The following MBNL3 variants were observed in gnomAD, a reference collection of about 807,000 sequenced individuals.
The protein encoded by MBNL3 is muscleblind like splicing regulator 3.
Under a neutral mutation model 24.5 loss-of-function variants are expected in MBNL3, and 6 were observed. The observed-to-expected ratio is 0.25, with a 90% CI of 0.13 to 0.48. The LOEUF is 0.48. Among genes scored for constraint, MBNL3 ranks in the 20% least tolerant of loss-of-function variants. The pLI, the probability that MBNL3 is intolerant of heterozygous loss-of-function variation, is 0.99. For synonymous variants in MBNL3, 100 were observed against 101.7 expected, an observed-to-expected ratio of 0.98 and a Z score of 0.10; for missense variants, 230 against 293.5, an observed-to-expected ratio of 0.78 and a Z score of 1.58.
chrX:132,369,597 G>A lies in MBNL3; in HGVS notation c.*10069C>T, dbSNP rs566436786. 1 of 111,938 alleles carries A rather than the reference G, an allele frequency of 8.9e-6. No individual in the cohort carries two copies. The highest frequency in any genetic ancestry group is 2.8e-4 in the East Asian group (1 of 3,553). 9.2% of individuals were successfully genotyped at this position (111,938 alleles called of 1,213,427 possible). On this transcript the variant is annotated 3_prime_UTR_variant, in exon 9 of 9. Transcript: ENST00000370853. ...GTAGCCATAAGGTCTCTGCAAGCAT[G>A]CTGACTGCAGGCTCCTCAGATTCTT...
chrX:132,423,494 A>C (rs1211420788), intron 2 of MBNL3, among the ~76,000 whole-genome samples: 6 of 111,493 alleles, frequency 5.4e-5, no homozygotes, highest in Non-Finnish European at 1.1e-4. Context: ...AATACTTTCC[A>C]GATCGATTAG....
At chrX:132,462,755 G>A (rs1946691132) in intron 1 of MBNL3, among the ~76,000 whole-genome samples, 1 of 111,066 alleles carries the variant, frequency 9.0e-6, no homozygotes, top group Non-Finnish European at 1.9e-5. Flanking sequence ...TATGTCTAAT[G>A]GTCAAAAAGG....
At position 132,392,331 on chromosome X, in the gene MBNL3, A is replaced by G. The variant is rs200246099; in HGVS notation, c.346T>C (p.Ser116Pro). The G allele has an allele frequency of 1.8e-4, 209 of 1,187,406 alleles. 2 individuals are homozygous for G. The highest frequency in any genetic ancestry group is 3.5e-5 in the Non-Finnish European group (31 of 883,537). ...LQNAQMSSLG[S>P]FPMTPSIPAN... Reference sequence around the variant, plus strand: ...GGAATTGATGGAGTCATAGGAAAAGAACCCTGTATGTTTAAAAGAGAAAAA... The same window carrying G: ...GGAATTGATGGAGTCATAGGAAAAGGACCCTGTATGTTTAAAAGAGAAAAA... Residue 116 changes from serine to proline, a missense_variant, in exon 4 of 9, where the codon TCT becomes CCT. Coordinates refer to ENST00000370853, the MANE Select transcript of MBNL3 (RefSeq NM_001386889.1).
intron 1 of MBNL3, among the ~76,000 whole-genome samples, chrX:132,479,196 C>A (rs1398199215): frequency 8.9e-6 from 1 of 111,976 alleles, no homozygotes; most frequent in Admixed American, 9.4e-5. Flanking sequence ...TTGCAGTGAG[C>A]TGAGATTGTA....
At chrX:132,429,399 T>C (rs182604033) in intron 2 of MBNL3, among the ~76,000 whole-genome samples, 1 of 111,620 alleles carries the variant, frequency 9.0e-6, no homozygotes, top group Non-Finnish European at 1.9e-5. Flanking sequence ...CAATGCGGTG[T>C]TTGGGGAGAA....
At position 132,396,511 on chromosome X, in the gene MBNL3, CATATATATTCAT is replaced by C. The variant is rs1325611922; in HGVS notation, c.343-4189_343-4178del. 5.1e-3 allele frequency among the ~76,000 whole-genome samples: 253 copies of C among 50,048 alleles called. 13 individuals are homozygous for C. The highest frequency in any genetic ancestry group is 0.028 in the African/African-American group (140 of 5,046). 43.5% of individuals were successfully genotyped at this position (50,048 alleles called of 115,157 possible). A position where few individuals can be genotyped will look rare whatever the true frequency, so the allele number is the denominator to read the frequency against. On this transcript the variant is annotated intron_variant, in intron 3 of 8. Coordinates refer to ENST00000370853, the MANE Select transcript of MBNL3 (RefSeq NM_001386889.1). The stretch of plus-strand genomic sequence containing the variant: ...TCCTATATATATTCCTATATATATT[CATATATATTCAT>C]ATATATATTCATATATATATTCCTA...
intron 3 of MBNL3, among the ~76,000 whole-genome samples, chrX:132,395,436 G>A (rs935201438): frequency 1.2e-4 from 13 of 111,844 alleles, no homozygotes; most frequent in Admixed American, 9.5e-5. Context: ...ACACTTAAAT[G>A]TTTCAGATAT....
intron 1 of MBNL3, among the ~76,000 whole-genome samples, chrX:132,471,970 T>C (rs1947206321): frequency 1.8e-5 from 2 of 112,485 alleles, no homozygotes; most frequent in African/African-American, 6.5e-5. Flanking sequence ...TGGGCTAAGA[T>C]TGCCTTGGGA....
At chrX:132,381,933 T>G (rs1270542859) in intron 8 of MBNL3, among the ~76,000 whole-genome samples, 2 of 111,794 alleles carry the variant, frequency 1.8e-5, no homozygotes, top group Non-Finnish European at 3.8e-5. Flanking sequence ...TACCAGTAAT[T>G]AAATATAGAA....
intron 3 of MBNL3, among the ~76,000 whole-genome samples, chrX:132,393,442 A>G (rs959279531): frequency 6.3e-5 from 7 of 110,434 alleles, no homozygotes; most frequent in African/African-American, 2.0e-4. Context: ...TCCTGGATTC[A>G]AAAAGTTTAA....
rs1255470703 is a variant in MBNL3, at chrX:132,406,236, A to T, written c.334T>A (p.Ser112Thr). 4 of 1,209,433 alleles carry T rather than the reference A, an allele frequency of 3.3e-6. No homozygotes were observed. The African/African-American group carries it at 7.0e-5, about 21-fold the overall frequency. The change falls in exon 3 of 9, where the codon TCA (serine) becomes ACA (threonine). Residue 112 changes from serine (S) to threonine (T), a missense_variant. Transcript: ENST00000370853. ...MQLMLQNAQM[S>T]SLGSFPMTPS... ...ATATAGCTGCGACTTACAAGTGATG[A>T]CATTTGAGCGTTTTGGAGCATAAGC...
At position 132,390,878 on chromosome X, in the gene MBNL3, T is replaced by G; in HGVS notation, c.740A>C (p.His247Pro). The part of the protein sequence containing the change: ...HLQARLKAAH[H>P]QMNHSAASAM... ...AGAGGCAGCTGAATGGTTCATCTGA[T>G]GATGAGCTGCCTTGAGTCTGGCTTG... Residue 247 changes from histidine to proline, a missense_variant, in exon 5 of 9, where the codon CAT becomes CCT. Transcript: ENST00000370853. 8.3e-7 allele frequency: 1 copy of G among 1,210,888 alleles called. No individual in the cohort carries two copies. The highest frequency in any genetic ancestry group is 1.1e-6 in the Non-Finnish European group (1 of 894,798).
At chrX:132,390,698 G>A in intron 5 of MBNL3, 149 bp downstream of exon 5, 1 of 447,898 alleles carries the variant, frequency 2.2e-6, no homozygotes, top group Non-Finnish European at 3.9e-6. Flanking sequence ...GAATAAATAG[G>A]TTCTTTCTTT....
At chrX:132,381,539 A>G (rs1291239949) in intron 8 of MBNL3, 7 of 417,905 alleles carry the variant, frequency 1.7e-5, no homozygotes, top group Non-Finnish European at 2.8e-5. Context: ...TCCCACTTTA[A>G]TAAGGCAAAA....
chrX:132,411,132 C>A (rs1344977267), intron 2 of MBNL3: 1 of 750,792 alleles, frequency 1.3e-6, no homozygotes, highest in Non-Finnish European at 1.6e-6. Flanking sequence ...TGAACGTTGA[C>A]CCCCATGGAG....
intron 8 of MBNL3, 143 bp from the exon 9 acceptor site, chrX:132,379,820 GAAAT>G: frequency 4.3e-6 from 2 of 463,210 alleles, no homozygotes; most frequent in Non-Finnish European, 7.4e-6. Context: ...ATTTCAGATT[GAAAT>G]GGGGCTTTTG....
At chrX:132,455,639 G>C (rs1946333477) in intron 1 of MBNL3, among the ~76,000 whole-genome samples, 2 of 111,571 alleles carry the variant, frequency 1.8e-5, no homozygotes, top group African/African-American at 6.5e-5. Context: ...CTGATATCTT[G>C]GCAATCTGTG....
chrX:132,429,184 C>T (rs1223348809), intron 2 of MBNL3, among the ~76,000 whole-genome samples: 2 of 112,388 alleles, frequency 1.8e-5, no homozygotes, highest in Non-Finnish European at 3.8e-5. Context: ...GATTAGATTC[C>T]AAATTATTGT....
At chrX:132,392,028 A>G in intron 4 of MBNL3, 115 bp downstream of exon 4, 2 of 618,442 alleles carry the variant, frequency 3.2e-6, no homozygotes, top group African/African-American at 4.6e-5. Context: ...CAACCCTATA[A>G]GCTAAGAAAT....
Sources: gnomAD v4.1 joint callset for allele counts (sites outside exome capture counted in the v4.1 genomes callset) on GRCh38, gnomAD v4.1.1 for gene constraint, MANE v1.5 for transcripts, NCBI Gene and HGNC (gene_info 2026-07-23, HGNC 2026-07-21) for gene names.